The following TMEM9 variants were observed in gnomAD, a reference collection of about 807,000 sequenced individuals.
TMEM9 encodes proton-transporting V-type ATPase complex assembly regulator TMEM9.
Under a neutral mutation model 22.8 loss-of-function variants are expected in TMEM9, and 13 were observed. The observed-to-expected ratio is 0.57, with a 90% confidence interval of 0.37 to 0.91. The LOEUF is 0.91. TMEM9 is among the 40% of genes least tolerant of loss of function. The pLI, the probability that TMEM9 is intolerant of heterozygous loss-of-function variation, is 0.01. For synonymous variants in TMEM9, 88 were observed against 93.0 expected, an observed-to-expected ratio of 0.95 and a Z score of 0.31; for missense variants, 182 against 238.1, an observed-to-expected ratio of 0.76 and a Z score of 1.55.
intron 2 of TMEM9, among the ~76,000 whole-genome samples, chr1:201,148,175 T>C (rs1370891636): frequency 6.6e-6 from 1 of 152,160 alleles, no homozygotes; most frequent in Non-Finnish European, 1.5e-5. Flanking sequence ...GTTCCACATC[T>C]AAAAACAGGG....
intron 1 of TMEM9, among the ~76,000 whole-genome samples, chr1:201,161,595 A>G (rs1443378964): frequency 6.6e-6 from 1 of 152,242 alleles, no homozygotes; most frequent in African/African-American, 2.4e-5. Flanking sequence ...GGGGAACCTT[A>G]AAGTAAATGA....
chr1:201,157,206 AAGTT>A (rs1665822472), upstream of TMEM9, among the ~76,000 whole-genome samples: 1 of 152,208 alleles, frequency 6.6e-6, no homozygotes, highest in Non-Finnish European at 1.5e-5. Flanking sequence ...ATCTCAAAAA[AAGTT>A]AGCACCAGGT....
Position 201,159,606 on chromosome 1 carries a change from G to T in TMEM9, c.-36-5647C>A, listed in dbSNP as rs541837039. Among the ~76,000 whole-genome samples the T allele has an allele frequency of 1.9e-4, 28 of 146,040 alleles. No individual in the cohort carries two copies. The South Asian group carries it at 5.8e-3, about 30-fold the overall frequency. The stretch of plus-strand genomic sequence containing the variant: ...TTTTTTTTTTTTTAAAGAGATGAGG[G>T]TTTTGCTGTGTTGCCCAAGCTGGTC... On this transcript the variant is annotated intron_variant, in intron 1 of 5. Coordinates refer to the TMEM9 transcript ENST00000367333.
upstream of TMEM9, among the ~76,000 whole-genome samples, chr1:201,158,101 T>C (rs1287238704): frequency 6.6e-6 from 1 of 152,058 alleles, no homozygotes; most frequent in Non-Finnish European, 1.5e-5. Context: ...GTCAGAGAGA[T>C]GCTATGCTGC....
chr1:201,136,556 C>T (rs1664006612), intron 4 of TMEM9, among the ~76,000 whole-genome samples: 1 of 151,964 alleles, frequency 6.6e-6, no homozygotes, highest in South Asian at 2.1e-4. Context: ...CCCTCTCTGG[C>T]CCATTCCCTC....
rs1665703441 is a variant in TMEM9, at chr1:201,154,451, GC to G, written c.-529del. ...CAATGCCGCGTCCACGAACCTACAAGCCCGCTGCAGCCGCAAAAGACCCAGT... is the reference window on the plus strand; with the variant it reads ...CAATGCCGCGTCCACGAACCTACAAGCCGCTGCAGCCGCAAAAGACCCAGT... On this transcript the variant is annotated 5_prime_UTR_variant, in exon 1 of 5. Coordinates refer to ENST00000367330, the MANE Select transcript of TMEM9 (RefSeq NM_001288565.2). The G allele has an allele frequency of 6.7e-6, 1 of 149,128 alleles. No individual in the cohort carries two copies. 9.2% of individuals were successfully genotyped at this position (149,128 alleles called of 1,614,324 possible). A position where few individuals can be genotyped will look rare whatever the true frequency, so the allele number is the denominator to read the frequency against.
chr1:201,143,839 T>C lies in TMEM9; in HGVS notation c.380A>G (p.His127Arg). Residue 127 changes from histidine to arginine, a missense_variant, in exon 4 of 5, where the codon CAC becomes CGC. His to Arg is a conservative substitution (Grantham distance 29). Transcript: ENST00000367330. The part of the protein sequence containing the change: ...RKPDAYTEQL[H>R]NEEENEDARS... The stretch of plus-strand genomic sequence containing the variant: ...TCTTACCTCATTCTCCTCCTCATTG[T>C]GCAGTTGCTCAGTATATGCATCCGG... 2 of 1,614,130 alleles carry C rather than the reference T, an allele frequency of 1.2e-6. No homozygotes were observed. Among genetic ancestry groups the C allele is most frequent in the Non-Finnish European group, 1.7e-6 (2 of 1,179,982 alleles).
chr1:201,151,445 G>A (rs1348253202), intron 2 of TMEM9, among the ~76,000 whole-genome samples: 1 of 152,202 alleles, frequency 6.6e-6, no homozygotes, highest in African/African-American at 2.4e-5. Flanking sequence ...CCTACAGCAT[G>A]TGGTCAGAAT....
chr1:201,155,662 T>G (rs1665769587), upstream of TMEM9, among the ~76,000 whole-genome samples: 2 of 152,190 alleles, frequency 1.3e-5, no homozygotes, highest in African/African-American at 2.4e-5. Context: ...GCTTTGGAGC[T>G]AGAGTGACCA....
intron 1 of TMEM9, among the ~76,000 whole-genome samples, chr1:201,162,819 C>T (rs1307548499): frequency 5.3e-5 from 8 of 151,886 alleles, no homozygotes; most frequent in Non-Finnish European, 1.2e-4. Flanking sequence ...CATGACATAT[C>T]TAATGAAGGA....
chr1:201,141,799 C>T (rs189934662), intron 4 of TMEM9, among the ~76,000 whole-genome samples: 1 of 152,256 alleles, frequency 6.6e-6, no homozygotes, highest in African/African-American at 2.4e-5. Context: ...TCCAGGTCTC[C>T]TGGGGGTAAG....
At chr1:201,143,760 G>A (rs1664728533) in intron 4 of TMEM9, 60 bp downstream of exon 4, 2 of 1,591,104 alleles carry the variant, frequency 1.3e-6, no homozygotes. Flanking sequence ...GCTCCTCTGG[G>A]TTTTGCCCTG....
At chr1:201,169,960 C>G (rs1433216401) in intron 1 of TMEM9, among the ~76,000 whole-genome samples, 1 of 152,188 alleles carries the variant, frequency 6.6e-6, no homozygotes, top group Non-Finnish European at 1.5e-5. Flanking sequence ...TATTCCCAAT[C>G]TTCAGCTGTG....
chr1:201,148,131 A>G (rs1338575104), intron 2 of TMEM9, among the ~76,000 whole-genome samples: 1 of 152,222 alleles, frequency 6.6e-6, no homozygotes, highest in African/African-American at 2.4e-5. Flanking sequence ...TTCATCTAAC[A>G]GCACTCTTGC....
intron 1 of TMEM9, among the ~76,000 whole-genome samples, chr1:201,170,316 C>T (rs1193266498): frequency 1.3e-5 from 2 of 152,312 alleles, no homozygotes; most frequent in East Asian, 1.9e-4. Flanking sequence ...AAATCAAAAG[C>T]TATTACTAGA....
chr1:201,135,850 C>G, intron 4 of TMEM9, 35 bp from the exon 5 acceptor site: 1 of 1,550,314 alleles, frequency 6.5e-7, no homozygotes, highest in Non-Finnish European at 8.7e-7. Context: ...AGATCTGGCA[C>G]GGTAAGCCAG....
chr1:201,149,915 C>A (rs1665288189), intron 2 of TMEM9, among the ~76,000 whole-genome samples: 1 of 152,200 alleles, frequency 6.6e-6, no homozygotes, highest in African/African-American at 2.4e-5. Flanking sequence ...TTTCCTCCAG[C>A]CTCAGTTTAC....
intron 1 of TMEM9, among the ~76,000 whole-genome samples, chr1:201,162,837 G>C (rs532498764): frequency 4.6e-5 from 7 of 151,924 alleles, no homozygotes; most frequent in Non-Finnish European, 1.0e-4. Flanking sequence ...GGACTGGTAT[G>C]TAATATATAT....
rs12085888 is a variant in TMEM9, at chr1:201,167,942, A to T, written c.-37+3548T>A. ...AGTTACTACCTTCACTGTGAAGGTA[A>T]CTAGTATTCTGAGTTTTTTCAACAT... On this transcript the variant is annotated intron_variant, in intron 1 of 5. Transcript: ENST00000367333. Among the ~76,000 whole-genome samples, 1,308 of 152,300 alleles carry T rather than the reference A, an allele frequency of 8.6e-3. 21 individuals are homozygous for T. The highest frequency in any genetic ancestry group is 0.03 in the African/African-American group (1,241 of 41,550).
Sources: allele counts gnomAD v4.1 joint callset (sites outside exome capture counted in the v4.1 genomes callset), GRCh38; gene constraint gnomAD v4.1.1; transcripts MANE v1.5; gene names NCBI Gene and HGNC (gene_info 2026-07-23, HGNC 2026-07-21).